Variants in SDK1 observed in about 807,000 individuals in gnomAD.
SDK1 encodes the protein sidekick cell adhesion molecule 1.
In SDK1, 157 loss-of-function variants were observed where a neutral mutation model predicts 245.5. The ratio of observed to expected loss-of-function variants is 0.64; its 90% CI spans 0.56 to 0.73. SDK1 has a LOEUF of 0.73. Ranked by LOEUF, SDK1 falls within the 30% of genes least tolerant of loss-of-function variation. The pLI is 0.00. For synonymous variants in SDK1, 1,647 were observed against 1,278.5 expected (o/e 1.29, Z -6.15); for missense variants, 3,583 against 3,002.3 (o/e 1.19, Z -4.52).
Position 4,241,834 on chromosome 7 carries a change from A to G in SDK1, c.6172A>G (p.Asn2058Asp). ...CATGGAGGAGTCTGTGACCCTGGACAACGGAGGATTTGCTGCCCTGGAGCT... is the reference window on the plus strand; with the variant it reads ...CATGGAGGAGTCTGTGACCCTGGACGACGGAGGATTTGCTGCCCTGGAGCT... ...STMEESVTLD[N>D]GGFAALELSS... Residue 2058 changes from asparagine (N) to aspartate (D), a missense_variant, in exon 43 of 45, where the codon AAC (asparagine) becomes GAC (aspartate). Asn to Asp is a conservative substitution (Grantham distance 23). Coordinates refer to ENST00000404826, the MANE Select transcript of SDK1 (RefSeq NM_152744.4). The G allele has an allele frequency of 1.2e-6, 2 of 1,614,162 alleles. No homozygotes were observed. Among genetic ancestry groups the G allele is most frequent in the Non-Finnish European group, 8.5e-7 (1 of 1,180,030 alleles).
At chr7:3,453,147 A>G (rs141888700) in intron 1 of SDK1, among the ~76,000 whole-genome samples, 33 of 151,826 alleles carry the variant, frequency 2.2e-4, no homozygotes, top group South Asian at 1.7e-3. Context: ...CCGGTTTTCC[A>G]ACTCTTTCCC....
intron 1 of SDK1, among the ~76,000 whole-genome samples, chr7:3,500,060 C>G (rs1046556541): frequency 1.1e-4 from 16 of 152,104 alleles, no homozygotes; most frequent in African/African-American, 2.7e-4. Context: ...ACTGGGGTGT[C>G]TTGTCTTCAG....
Position 3,965,663 on chromosome 7 carries a change from A to G in SDK1, c.1430-1655A>G, listed in dbSNP as rs565026488. Among the ~76,000 whole-genome samples, 4 of 152,242 alleles carry G rather than the reference A, an allele frequency of 2.6e-5. No homozygotes were observed. In the South Asian group the frequency reaches 8.3e-4, roughly 32 times the overall value. ...AGACAGGTGAGGTTCCTGTGCTTCC[A>G]GGACAGAGGGTCTGCAGGGAGGAGA... On this transcript the variant is annotated intron_variant, in intron 9 of 44. Coordinates refer to ENST00000404826, the MANE Select transcript of SDK1 (RefSeq NM_152744.4).
intron 4 of SDK1, among the ~76,000 whole-genome samples, chr7:3,743,747 G>A (rs889056145): frequency 2.6e-5 from 4 of 151,956 alleles, no homozygotes; most frequent in Admixed American, 6.5e-5. Context: ...CTGTGTGTAC[G>A]AAAAAAATGA....
intron 1 of SDK1, among the ~76,000 whole-genome samples, chr7:3,511,217 C>T (rs910946610): frequency 2.0e-5 from 3 of 152,202 alleles, no homozygotes; most frequent in Admixed American, 2.0e-4. Flanking sequence ...TTCATATTTT[C>T]CTTCTTGGGT....
At chr7:3,617,038 G>A (rs1562605336) in intron 1 of SDK1, among the ~76,000 whole-genome samples, 1 of 152,166 alleles carries the variant, frequency 6.6e-6, no homozygotes, top group Non-Finnish European at 1.5e-5. Context: ...TGACTGGGTA[G>A]CATTGAGCAA....
intron 1 of SDK1, among the ~76,000 whole-genome samples, chr7:3,309,279 T>C (rs1779493294): frequency 6.6e-6 from 1 of 151,944 alleles, no homozygotes; most frequent in Non-Finnish European, 1.5e-5. Flanking sequence ...TTCTATACAA[T>C]GGATGTCAGT....
intron 4 of SDK1, among the ~76,000 whole-genome samples, chr7:3,672,759 TTATATATATATA>T (rs60760676): frequency 5.9e-5 from 3 of 50,744 alleles, no homozygotes; most frequent in East Asian, 6.2e-4. Flanking sequence ...ATATATAATT[TTATATATATATA>T]TATATATATA....
intron 5 of SDK1, among the ~76,000 whole-genome samples, chr7:3,908,448 G>T (rs975609773): frequency 6.6e-6 from 1 of 152,106 alleles, no homozygotes; most frequent in African/African-American, 2.4e-5. Context: ...ATGCTCACCC[G>T]CAGTCCACTC....
intron 1 of SDK1, among the ~76,000 whole-genome samples, chr7:3,359,687 G>T (rs564574211): frequency 6.6e-6 from 1 of 152,276 alleles, no homozygotes; most frequent in Non-Finnish European, 1.5e-5. Context: ...GTGGCGCGCT[G>T]TGAGGATGCT....
chr7:3,938,011 A>G (rs964905231), intron 5 of SDK1, among the ~76,000 whole-genome samples: 1 of 151,982 alleles, frequency 6.6e-6, no homozygotes, highest in Non-Finnish European at 1.5e-5. Flanking sequence ...CTAATTTTGT[A>G]TATTTAGTAG....
chr7:3,961,466 G>A (rs1452892035), intron 8 of SDK1, among the ~76,000 whole-genome samples: 1 of 152,182 alleles, frequency 6.6e-6, no homozygotes, highest in Non-Finnish European at 1.5e-5. Flanking sequence ...GCTTTGCACT[G>A]AAGCATGTCA....
intron 17 of SDK1, among the ~76,000 whole-genome samples, chr7:4,024,987 C>T (rs1488628833): frequency 6.6e-6 from 1 of 150,696 alleles, no homozygotes; most frequent in East Asian, 2.0e-4. Context: ...CTTTGGACTG[C>T]GGTGCACAAT....
chr7:3,494,924 C>A (rs1334514308), intron 1 of SDK1, among the ~76,000 whole-genome samples: 2 of 152,218 alleles, frequency 1.3e-5, no homozygotes, highest in Non-Finnish European at 2.9e-5. Context: ...CTATCTGCAA[C>A]CATGACCTCC....
At chr7:4,108,328 A>G (rs957124887) in intron 22 of SDK1, among the ~76,000 whole-genome samples, 1 of 152,168 alleles carries the variant, frequency 6.6e-6, no homozygotes, top group Non-Finnish European at 1.5e-5. Context: ...TGTTCTGTGG[A>G]ACCTTAATCT....
rs148427322 is a variant in SDK1, at chr7:3,549,749, T to G, written c.299-69331T>G. The stretch of plus-strand genomic sequence containing the variant: ...AATGCTTGATCTTTCTATAAACAGC[T>G]TTATTAATGCACGTCAAGGCACTGT... On this transcript the variant is annotated intron_variant, in intron 1 of 44. Transcript: ENST00000404826. Among the ~76,000 whole-genome samples, 214 of 152,326 alleles carry G rather than the reference T, an allele frequency of 1.4e-3. 2 individuals are homozygous for G. The highest frequency in any genetic ancestry group is 0.011 in the Admixed American group (174 of 15,296).
intron 34 of SDK1, among the ~76,000 whole-genome samples, chr7:4,177,947 A>G (rs1040088171): frequency 4.6e-5 from 7 of 151,510 alleles, no homozygotes; most frequent in African/African-American, 1.7e-4. Flanking sequence ...CAGCACGTGC[A>G]AGAGAGCCAG....
chr7:3,333,626 C>A (rs1780124814), intron 1 of SDK1, among the ~76,000 whole-genome samples: 1 of 152,092 alleles, frequency 6.6e-6, no homozygotes. Flanking sequence ...ACCATGCATA[C>A]CCCTAACCTA....
At chr7:3,884,590 C>T (rs1781292845) in intron 5 of SDK1, among the ~76,000 whole-genome samples, 1 of 152,186 alleles carries the variant, frequency 6.6e-6, no homozygotes, top group Admixed American at 6.5e-5. Flanking sequence ...TTTGCATCCC[C>T]CATCTTTGAG....
Sources: gnomAD v4.1 joint callset for allele counts (sites outside exome capture counted in the v4.1 genomes callset) on GRCh38, gnomAD v4.1.1 for gene constraint, MANE v1.5 for transcripts, NCBI Gene and HGNC (gene_info 2026-07-23, HGNC 2026-07-21) for gene names.